Variants in TTYH1 observed in about 807,000 individuals in gnomAD.
The protein encoded by TTYH1 is protein tweety homolog 1.
TTYH1 carries 33 observed loss-of-function variants against 61.2 expected under a neutral mutation model. That is an observed-to-expected ratio of 0.54 (90% CI 0.41 to 0.72). The LOEUF is 0.72. Among genes scored for constraint, TTYH1 ranks in the 30% least tolerant of loss-of-function variants. The pLI, the probability that TTYH1 is intolerant of heterozygous loss-of-function variation, is 0.00. For synonymous variants in TTYH1, 308 were observed against 266.4 expected (o/e 1.16, Z -1.52); for missense variants, 538 against 575.8 (o/e 0.93, Z 0.67).
Position 54,421,178 on chromosome 19 carries a change from TG to T in TTYH1, c.306-97del. ...TGAGGTGGGGCTGAGATGGGAGGGG[TG>T]GATAAGAAGGCGAGGTGGAGGGGAT... On this transcript the variant is annotated intron_variant, in intron 2 of 13. Coordinates refer to ENST00000376530, the MANE Select transcript of TTYH1 (RefSeq NM_020659.4). The surrounding 1 kb of genome is among the most constrained non-coding windows in gnomAD (Gnocchi z 4.8). 1 of 718,494 alleles carries T rather than the reference TG, an allele frequency of 1.4e-6. No homozygotes were observed. The highest frequency in any genetic ancestry group is 2.4e-6 in the Non-Finnish European group (1 of 414,824). 44.5% of individuals were successfully genotyped at this position (718,494 alleles called of 1,614,324 possible). A position where few individuals can be genotyped will look rare whatever the true frequency, so the allele number is the denominator to read the frequency against.
chr19:54,429,240 G>A lies in TTYH1; in HGVS notation c.735-67G>A. 1 of 1,450,238 alleles carries A rather than the reference G, an allele frequency of 6.9e-7. No individual in the cohort carries two copies. The highest frequency in any genetic ancestry group is 9.7e-7 in the Non-Finnish European group (1 of 1,031,518). The allele number at this position is 1,450,238 out of a possible 1,614,324, so 89.8% of individuals were successfully genotyped here. ...GTGGGGGGCGGCTGTGATGGGATTT[G>A]GGGTGTGGAAAGAGGCTAGGCTAGG... On this transcript the variant is annotated intron_variant, in intron 5 of 13. Coordinates refer to ENST00000376530, the MANE Select transcript of TTYH1 (RefSeq NM_020659.4). The surrounding 1 kb of genome is among the most constrained non-coding windows in gnomAD (Gnocchi z 5.1).
chr19:54,429,936 G>A lies in TTYH1; in HGVS notation c.862G>A (p.Glu288Lys). 1 of 1,613,982 alleles carries A rather than the reference G, an allele frequency of 6.2e-7. No individual in the cohort carries two copies. ...PDPYVLNLTQ[E>K]ETGLSSDILS... Reference sequence around the variant, plus strand: ...CCCTTATGTTCTGAACCTGACCCAGGAGGAGACAGGGCTCAGCTCAGGTGA... The same window carrying A: ...CCCTTATGTTCTGAACCTGACCCAGAAGGAGACAGGGCTCAGCTCAGGTGA... The change falls in exon 7 of 14, where the codon GAG (glutamate) becomes AAG (lysine). Residue 288 changes from glutamate to lysine, a missense_variant. Glu to Lys is a moderately conservative substitution (Grantham distance 56). Transcript: ENST00000376530. This position sits in a 1 kb window ranked among gnomAD's most constrained non-coding sequence, Gnocchi z 5.1.
rs1241954837 is a variant in TTYH1, at chr19:54,415,511, G to T, written c.-42G>T. ...GCCCCGCTCGACTCCGGAGGCTCCC[G>T]CAGCCCCGGCGTCCGCCCCGCTGCC... On this transcript the variant is annotated 5_prime_UTR_variant, in exon 1 of 14. Transcript: ENST00000376530. The surrounding 1 kb of genome is among the most constrained non-coding windows in gnomAD (Gnocchi z 5.2). 5.5e-6 allele frequency: 7 copies of T among 1,279,396 alleles called. No homozygotes were observed. Among genetic ancestry groups the T allele is most frequent in the East Asian group, 4.0e-5 (1 of 24,700 alleles). 79.3% of individuals were successfully genotyped at this position (1,279,396 alleles called of 1,614,324 possible). A position where few individuals can be genotyped will look rare whatever the true frequency, so the allele number is the denominator to read the frequency against.
intron 4 of TTYH1, chr19:54,426,471 A>G: frequency 9.9e-6 from 6 of 608,076 alleles, no homozygotes; most frequent in Non-Finnish European, 1.8e-5. Flanking sequence ...AAACCGCTCC[A>G]GTGTCCTGTC....
rs769313856 is a variant in TTYH1, at chr19:54,422,266, G to A, written c.494G>A (p.Arg165His). The change falls in exon 4 of 14, where the codon CGC becomes CAC. Residue 165 changes from arginine (R) to histidine (H), a missense_variant. By Grantham distance (29) the Arg-to-His change is conservative (BLOSUM62 0). Coordinates refer to ENST00000376530, the MANE Select transcript of TTYH1 (RefSeq NM_020659.4). The part of the protein sequence containing the change: ...LTTLEEVLEP[R>H]TELVAAARGA... ...ACCCTGGAGGAGGTGCTCGAGCCGC[G>A]CACGGAGCTGGTGGCTGCCGCCCGA... 14 of 1,565,986 alleles carry A rather than the reference G, an allele frequency of 8.9e-6. No individual in the cohort carries two copies. The highest frequency in any genetic ancestry group is 1.3e-5 in the African/African-American group (1 of 74,336).
Position 54,435,685 on chromosome 19 carries a change from G to A in TTYH1, c.1268+1G>A. The A allele has an allele frequency of 1.2e-6, 2 of 1,608,956 alleles. No homozygotes were observed. The highest frequency in any genetic ancestry group is 1.7e-6 in the Non-Finnish European group (2 of 1,177,640). ...GAGCCTGGGCCCTCTTCCCACCCAG[G>A]TCAGGAGCGGGGGAGGGTAGGGTCC... On this transcript the variant is annotated splice_donor_variant, in intron 11 of 13. Transcript: ENST00000376530. LOFTEE classifies it high-confidence loss of function.
Position 54,415,749 on chromosome 19 carries a change from G to T in TTYH1, c.126+71G>T. On this transcript the variant is annotated intron_variant, in intron 1 of 13. Transcript: ENST00000376530. The surrounding 1 kb of genome is among the most constrained non-coding windows in gnomAD (Gnocchi z 5.2). ...GCTCCTGGGTCCCGAGGGAGAAGGG[G>T]GCTGGGTCACAGATTTCCTGAGCTC... 7.2e-7 allele frequency: 1 copy of T among 1,386,598 alleles called. No homozygotes were observed. Among genetic ancestry groups the T allele is most frequent in the Non-Finnish European group, 9.5e-7 (1 of 1,056,342 alleles). 85.9% of individuals were successfully genotyped at this position (1,386,598 alleles called of 1,614,324 possible). A position where few individuals can be genotyped will look rare whatever the true frequency, so the allele number is the denominator to read the frequency against.
At position 54,431,148 on chromosome 19, in the gene TTYH1, T is replaced by C; in HGVS notation, c.1082T>C (p.Phe361Ser). Residue 361 changes from phenylalanine to serine, a missense_variant, in exon 10 of 14, where the codon TTC (phenylalanine) becomes TCC (serine). Coordinates refer to ENST00000376530, the MANE Select transcript of TTYH1 (RefSeq NM_020659.4). ...ACTCTGAATGTGACAGAAGGAAATT[T>C]CCACCAGTTGGTGGCACTGCTACAC... is the stretch of plus-strand genomic sequence containing the variant. ...EETLNVTEGNFHQLVALLHCR... is the reference protein window; with the variant it reads ...EETLNVTEGNSHQLVALLHCR... 1 of 1,613,816 alleles carries C rather than the reference T, an allele frequency of 6.2e-7. No homozygotes were observed. The highest frequency in any genetic ancestry group is 8.5e-7 in the Non-Finnish European group (1 of 1,179,770).
intron 5 of TTYH1, among the ~76,000 whole-genome samples, chr19:54,427,351 AT>A (rs1339164568): frequency 7.0e-6 from 1 of 143,138 alleles, no homozygotes; most frequent in Non-Finnish European, 1.5e-5. Context: ...CACGCCTGTA[AT>A]TCCAGCACTT....
chr19:54,421,442 A>G lies in TTYH1; in HGVS notation c.417+54A>G. The stretch of plus-strand genomic sequence containing the variant: ...AGACCCACACCTGGACGGGCTCCCC[A>G]CACCCAAGGACAAAGGGATCCAAAC... On this transcript the variant is annotated intron_variant, in intron 3 of 13. Coordinates refer to ENST00000376530, the MANE Select transcript of TTYH1 (RefSeq NM_020659.4). The surrounding 1 kb of genome is among the most constrained non-coding windows in gnomAD (Gnocchi z 4.8). The G allele has an allele frequency of 1.7e-6, 2 of 1,200,444 alleles. No individual in the cohort carries two copies. The highest frequency in any genetic ancestry group is 2.5e-6 in the Non-Finnish European group (2 of 803,886). The allele number at this position is 1,200,444 out of a possible 1,614,324, so 74.4% of individuals were successfully genotyped here.
At chr19:54,426,147 C>T (rs2083315762) in intron 4 of TTYH1, among the ~76,000 whole-genome samples, 1 of 151,836 alleles carries the variant, frequency 6.6e-6, no homozygotes, top group Non-Finnish European at 1.5e-5. Context: ...ATTCTCAAGC[C>T]AGTGTTGTTG....
chr19:54,425,194 A>C (rs2122897389), intron 4 of TTYH1, among the ~76,000 whole-genome samples: 1 of 152,332 alleles, frequency 6.6e-6, no homozygotes, highest in South Asian at 2.1e-4. Flanking sequence ...TCACGAGCAC[A>C]GTGGACACCC....
chr19:54,426,550 C>A, intron 4 of TTYH1, 123 bp from the exon 5 acceptor site: 1 of 759,928 alleles, frequency 1.3e-6, no homozygotes, highest in Non-Finnish European at 2.3e-6. Context: ...GGAGGCTGAG[C>A]TTGGAGGGTG....
At chr19:54,433,776 C>T (rs2083486230) in intron 10 of TTYH1, 1 of 151,866 alleles carries the variant, frequency 6.6e-6, no homozygotes, top group Non-Finnish European at 1.5e-5. Context: ...GGCACTGGAG[C>T]CTAAGAGAAT....
chr19:54,417,213 C>A (rs151152791), intron 1 of TTYH1, among the ~76,000 whole-genome samples: 54 of 151,864 alleles, frequency 3.6e-4, no homozygotes, highest in African/African-American at 1.3e-3. Context: ...CACACCCAGA[C>A]ACGCCCACTT....
chr19:54,431,062 A>C (rs772111985), intron 9 of TTYH1, 37 bp from the exon 10 acceptor site: 68 of 1,551,050 alleles, frequency 4.4e-5, no homozygotes, highest in Non-Finnish European at 5.8e-5. Context: ...GCGGGCCTGA[A>C]GAGTTCGTGG....
chr19:54,436,151 G>A lies in TTYH1; in HGVS notation c.*22G>A, dbSNP rs761981108. The A allele has an allele frequency of 1.1e-5, 17 of 1,613,972 alleles. No homozygotes were observed. In the South Asian group the frequency reaches 1.9e-4, roughly 18 times the overall value. On this transcript the variant is annotated 3_prime_UTR_variant, in exon 13 of 14. Transcript: ENST00000376530. This position sits in a 1 kb window ranked among gnomAD's most constrained non-coding sequence, Gnocchi z 4.3. ...CTGAGCCCCTCCTCCCGGCTGGACT[G>A]GAGCCTGGCTCCCCTCTTCGGTGAG...
At chr19:54,423,386 C>T (rs1202069192) in intron 4 of TTYH1, among the ~76,000 whole-genome samples, 5 of 151,938 alleles carry the variant, frequency 3.3e-5, no homozygotes, top group Non-Finnish European at 2.9e-5. Flanking sequence ...TTAGTAGAAA[C>T]GGGGTTTCAC....
Position 54,416,618 on chromosome 19 carries a change from A to G in TTYH1, c.126+940A>G. On this transcript the variant is annotated intron_variant, in intron 1 of 13. Transcript: ENST00000376530. The surrounding 1 kb of genome is among the most constrained non-coding windows in gnomAD (Gnocchi z 7.0). Reference sequence around the variant, plus strand: ...TTGCTCCTGGGAGAAGGGGGCTGGGATTGGAGAGCTCAGGGGGCGTGGAGG... The same window carrying G: ...TTGCTCCTGGGAGAAGGGGGCTGGGGTTGGAGAGCTCAGGGGGCGTGGAGG... The G allele has an allele frequency of 6.7e-6, 4 of 595,642 alleles. No homozygotes were observed. Among genetic ancestry groups the G allele is most frequent in the Non-Finnish European group, 1.0e-5 (4 of 397,278 alleles). 36.9% of individuals were successfully genotyped at this position (595,642 alleles called of 1,614,324 possible).
Sources: gnomAD v4.1 joint callset for allele counts (sites outside exome capture counted in the v4.1 genomes callset) on GRCh38, gnomAD v4.1.1 for gene constraint, Gnocchi (gnomAD v3.1) non-coding constraint, MANE v1.5 for transcripts, NCBI Gene and HGNC (gene_info 2026-07-23, HGNC 2026-07-21) for gene names.